The following CEP112 variants were observed in gnomAD, a reference collection of about 807,000 sequenced individuals.
The protein encoded by CEP112 is centrosomal protein of 112 kDa.
CEP112 carries 127 observed loss-of-function variants against 153.0 expected under a neutral mutation model. The ratio of observed to expected loss-of-function variants is 0.83; its 90% CI spans 0.72 to 0.96. The LOEUF (loss-of-function observed/expected upper bound fraction) is 0.96, where lower values mean the gene tolerates loss of function less well. Ranked by LOEUF, CEP112 falls within the 40% of genes least tolerant of loss-of-function variation. The probability of loss-of-function intolerance (pLI) is 0.00; values close to 1 mark genes in which losing one functional copy is unlikely to be tolerated. For missense variants in CEP112, 1,089 were observed against 1,101.2 expected (o/e 0.99, Z 0.16); for synonymous variants, 358 against 374.4 (o/e 0.96, Z 0.51).
intron 19 of CEP112, among the ~76,000 whole-genome samples, chr17:65,919,197 C>A (rs2060610480): frequency 1.3e-5 from 2 of 152,156 alleles, no homozygotes. Flanking sequence ...TTGCATTTTA[C>A]AAAACAGGAA....
chr17:66,110,348 G>GA (rs897172549), intron 6 of CEP112, among the ~76,000 whole-genome samples: 21 of 146,298 alleles, frequency 1.4e-4, no homozygotes, highest in East Asian at 1.4e-3. Flanking sequence ...AAAAAAAAAA[G>GA]AAAAAAAAAG....
chr17:65,927,463 G>A, intron 19 of CEP112, 119 bp downstream of exon 19: 1 of 600,222 alleles, frequency 1.7e-6, no homozygotes, highest in Non-Finnish European at 2.9e-6. Context: ...AAATATATTG[G>A]TAACAACAGC....
At chr17:66,038,685 A>G (rs1265628437) in intron 12 of CEP112, among the ~76,000 whole-genome samples, 1 of 152,246 alleles carries the variant, frequency 6.6e-6, no homozygotes, top group Non-Finnish European at 1.5e-5. Flanking sequence ...AAGTTACTGT[A>G]CAGAAAATGA....
intron 6 of CEP112, among the ~76,000 whole-genome samples, chr17:66,121,971 T>C (rs1258292465): frequency 6.6e-6 from 1 of 152,194 alleles, no homozygotes; most frequent in Non-Finnish European, 1.5e-5. Context: ...CTCGGCTCTC[T>C]GCAACCTCCA....
At chr17:66,181,515 T>TTG (rs55958203) in intron 2 of CEP112, among the ~76,000 whole-genome samples, 21,374 of 151,456 alleles carry the variant, frequency 0.14, 1,817 homozygotes, top group Non-Finnish European at 0.2. Context: ...CCATCTAATT[T>TTG]TGTGTGTGTG....
intron 17 of CEP112, among the ~76,000 whole-genome samples, chr17:65,985,999 A>C (rs9303498): frequency 2.6e-5 from 4 of 151,944 alleles, no homozygotes; most frequent in African/African-American, 9.7e-5. Flanking sequence ...TCCTAAACTT[A>C]TCCATTATGC....
intron 23 of CEP112, among the ~76,000 whole-genome samples, chr17:65,689,523 A>G (rs1388653580): frequency 3.9e-5 from 6 of 152,268 alleles, no homozygotes. Context: ...GTAATAAAGC[A>G]TAACACTATT....
chr17:65,728,570 G>A lies in CEP112; in HGVS notation c.2607+14498C>T, dbSNP rs539096693. 4.5e-4 allele frequency among the ~76,000 whole-genome samples: 68 copies of A among 152,262 alleles called. 2 individuals carry two copies. In the South Asian group the frequency reaches 0.01, roughly 23 times the overall value. ...GAGAACTGTTGTACCAGTGGTACTT[G>A]AGTAAATGTATTCAAGTACATTTCC... On this transcript the variant is annotated intron_variant, in intron 23 of 26. Coordinates refer to ENST00000535342, the MANE Select transcript of CEP112 (RefSeq NM_001199165.4).
chr17:66,052,779 C>T (rs2066494483), intron 12 of CEP112, among the ~76,000 whole-genome samples: 1 of 122,562 alleles, frequency 8.2e-6, no homozygotes, highest in East Asian at 7.9e-4. Flanking sequence ...ATCAAGTCTT[C>T]CATTTAAAAA....
At chr17:65,716,384 C>T (rs965035764) in intron 23 of CEP112, among the ~76,000 whole-genome samples, 13 of 152,190 alleles carry the variant, frequency 8.5e-5, no homozygotes, top group Admixed American at 4.6e-4. Flanking sequence ...TGGTCTCGAA[C>T]GGCTGACCTC....
chr17:65,899,910 T>A (rs2059785939), intron 20 of CEP112, among the ~76,000 whole-genome samples: 1 of 152,180 alleles, frequency 6.6e-6, no homozygotes, highest in Admixed American at 6.6e-5. Context: ...AACACAGTGA[T>A]TTGAAAAAGA....
chr17:65,885,776 A>G (rs2059255261), intron 20 of CEP112, among the ~76,000 whole-genome samples: 2 of 152,254 alleles, frequency 1.3e-5, no homozygotes, highest in Admixed American at 6.5e-5. Context: ...AGTGACAGGT[A>G]TATTGAATAC....
intron 4 of CEP112, among the ~76,000 whole-genome samples, chr17:66,133,788 G>A (rs912662801): frequency 3.3e-5 from 5 of 152,078 alleles, no homozygotes; most frequent in South Asian, 2.1e-4. Context: ...TGACCTACAC[G>A]AAGTATTTCT....
chr17:66,025,594 C>T (rs35505456), intron 16 of CEP112, among the ~76,000 whole-genome samples: 78,231 of 151,892 alleles, frequency 0.52, 21,070 homozygotes, highest in African/African-American at 0.59. Flanking sequence ...ATTAAAACCA[C>T]AATGAGATAT....
chr17:65,649,078 ACACACACACACACACACAC>A lies in CEP112; in HGVS notation c.2698-8032_2698-8014del, dbSNP rs1598189947. Among the ~76,000 whole-genome samples, 338 of 144,608 alleles carry A rather than the reference ACACACACACACACACACAC, an allele frequency of 2.3e-3. 2 individuals are homozygous for A. The highest frequency in any genetic ancestry group is 7.4e-3 in the African/African-American group (289 of 38,856). 94.9% of individuals were successfully genotyped at this position (144,608 alleles called of 152,430 possible). ...AACAAACAAACAAACAAACAAACAC[ACACACACACACACACACAC>A]ACACACACACACACACACACACTGT... is the stretch of plus-strand genomic sequence containing the variant. On this transcript the variant is annotated intron_variant, in intron 24 of 26. Coordinates refer to ENST00000535342, the MANE Select transcript of CEP112 (RefSeq NM_001199165.4).
intron 24 of CEP112, among the ~76,000 whole-genome samples, chr17:65,674,064 A>T (rs2047108852): frequency 1.3e-5 from 2 of 152,144 alleles, no homozygotes; most frequent in African/African-American, 4.8e-5. Context: ...TTTAGTAGAG[A>T]CAGGGTTTCA....
chr17:65,984,341 G>C (rs546122201), intron 17 of CEP112, among the ~76,000 whole-genome samples: 1 of 152,296 alleles, frequency 6.6e-6, no homozygotes, highest in East Asian at 1.9e-4. Context: ...AGTGGTGCCA[G>C]ATCTCACATA....
chr17:66,078,628 T>C (rs572132252), intron 8 of CEP112, among the ~76,000 whole-genome samples: 1 of 152,314 alleles, frequency 6.6e-6, no homozygotes, highest in East Asian at 1.9e-4. Flanking sequence ...GAGGTACCAT[T>C]GCATTCATCA....
intron 17 of CEP112, among the ~76,000 whole-genome samples, chr17:65,974,973 AAGGAC>A (rs2072231642): frequency 6.6e-6 from 1 of 152,138 alleles, no homozygotes; most frequent in Admixed American, 6.6e-5. Flanking sequence ...AAAATGAAAT[AAGGAC>A]AGGAGAGGGA....
Sources: allele counts gnomAD v4.1 joint callset (sites outside exome capture counted in the v4.1 genomes callset), GRCh38; gene constraint gnomAD v4.1.1; transcripts MANE v1.5; gene names NCBI Gene and HGNC (gene_info 2026-07-23, HGNC 2026-07-21).